Variants in TMED7 observed in about 807,000 individuals in gnomAD.
TMED7 encodes transmembrane emp24 domain-containing protein 7.
Under a neutral mutation model 23.4 loss-of-function variants are expected in TMED7, and 8 were observed. The ratio of observed to expected loss-of-function variants is 0.34; its 90% CI spans 0.20 to 0.62. The LOEUF (loss-of-function observed/expected upper bound fraction) is 0.62. Among genes scored for constraint, TMED7 ranks in the 20% least tolerant of loss-of-function variants. The pLI is 0.77. For synonymous variants in TMED7, 121 were observed against 108.5 expected (o/e 1.12, Z -0.72); for missense variants, 232 against 279.1 (o/e 0.83, Z 1.20).
Position 115,614,238 on chromosome 5 carries a change from T to C in TMED7, c.*1971A>G, listed in dbSNP as rs997706128. Reference sequence around the variant, plus strand: ...TATTTTCTATAACAGGTAACAGTAGTGATTTCAAAAATTTTAATATCTCAA... The same window carrying C: ...TATTTTCTATAACAGGTAACAGTAGCGATTTCAAAAATTTTAATATCTCAA... On this transcript the variant is annotated 3_prime_UTR_variant, in exon 3 of 3. Coordinates refer to ENST00000456936, the MANE Select transcript of TMED7 (RefSeq NM_181836.6). 2 of 152,088 alleles carry C rather than the reference T, an allele frequency of 1.3e-5. No individual in the cohort carries two copies. The highest frequency in any genetic ancestry group is 2.9e-5 in the Non-Finnish European group (2 of 67,960). The allele number at this position is 152,088 out of a possible 1,614,324, so 9.4% of individuals were successfully genotyped here. A position where few individuals can be genotyped will look rare whatever the true frequency, so the allele number is the denominator to read the frequency against.
chr5:115,616,487 G>A (rs988106046), intron 2 of TMED7, 42 bp from the exon 3 acceptor site: 33 of 1,611,954 alleles, frequency 2.0e-5, no homozygotes, highest in Non-Finnish European at 2.6e-5. Flanking sequence ...GATACTTTCT[G>A]TAGACTTCAT....
chr5:115,613,607 A>G lies in TMED7; in HGVS notation c.*2602T>C, dbSNP rs1756559342. 6.6e-6 allele frequency: 1 copy of G among 152,202 alleles called. No individual in the cohort carries two copies. Among genetic ancestry groups the G allele is most frequent in the African/African-American group, 2.4e-5 (1 of 41,444 alleles). The allele number at this position is 152,202 out of a possible 1,614,324, so 9.4% of individuals were successfully genotyped here. A position where few individuals can be genotyped will look rare whatever the true frequency, so the allele number is the denominator to read the frequency against. ...TGAAAAACCCCTCTGAATTATTTATATATTAATTTTTTGAAAACAATAGTC... is the reference window on the plus strand; with the variant it reads ...TGAAAAACCCCTCTGAATTATTTATGTATTAATTTTTTGAAAACAATAGTC... On this transcript the variant is annotated 3_prime_UTR_variant, in exon 3 of 3. Transcript: ENST00000456936.
chr5:115,617,013 T>C (rs1430665254), intron 2 of TMED7, among the ~76,000 whole-genome samples: 1 of 152,240 alleles, frequency 6.6e-6, no homozygotes, highest in Non-Finnish European at 1.5e-5. Context: ...TTTACATTTA[T>C]CTATTTGTTA....
In TMED7 at chr5:115,625,865, G is replaced by T; in HGVS notation, c.-73C>A. 7.5e-7 allele frequency: 1 copy of T among 1,334,010 alleles called. No homozygotes were observed. Among genetic ancestry groups the T allele is most frequent in the Non-Finnish European group, 9.5e-7 (1 of 1,049,152 alleles). The allele number at this position is 1,334,010 out of a possible 1,614,324, so 82.6% of individuals were successfully genotyped here. A position where few individuals can be genotyped will look rare whatever the true frequency, so the allele number is the denominator to read the frequency against. On this transcript the variant is annotated 5_prime_UTR_variant, in exon 1 of 3. Coordinates refer to ENST00000456936, the MANE Select transcript of TMED7 (RefSeq NM_181836.6). ...AGGTCTGCGCGGACTCACCGCGCGC[G>T]GCAGGCCTCAGCGCAGGCCACCCCG... is the stretch of plus-strand genomic sequence containing the variant.
rs765519431 is a variant in TMED7, at chr5:115,616,186, G to A, written c.*23C>T. 25 of 1,594,748 alleles carry A rather than the reference G, an allele frequency of 1.6e-5. No individual in the cohort carries two copies. The Admixed American group carries it at 2.0e-4, about 13-fold the overall frequency. On this transcript the variant is annotated 3_prime_UTR_variant, in exon 3 of 3. Transcript: ENST00000456936. ...GGACAGCAATATTACAGTGGCAATG[G>A]TGCATCAATTCTCAAAACGTAGTTA...
chr5:115,617,655 A>G (rs955033860), intron 2 of TMED7, among the ~76,000 whole-genome samples: 3 of 152,222 alleles, frequency 2.0e-5, no homozygotes, highest in Non-Finnish European at 2.9e-5. Flanking sequence ...CTTCACCTGG[A>G]AAGTACACAT....
chr5:115,624,870 A>C (rs907919354), intron 1 of TMED7, among the ~76,000 whole-genome samples: 1 of 152,232 alleles, frequency 6.6e-6, no homozygotes, highest in African/African-American at 2.4e-5. Flanking sequence ...CAGTTAAGAA[A>C]AGCAGGGTGA....
intron 2 of TMED7, among the ~76,000 whole-genome samples, chr5:115,618,763 C>G (rs1756897931): frequency 1.3e-5 from 2 of 152,196 alleles, no homozygotes; most frequent in African/African-American, 4.8e-5. Context: ...GTCTGATCCA[C>G]TCAGTATAAA....
rs1005126660 is a variant in TMED7, at chr5:115,623,000, C to T, written c.193-2320G>A. On this transcript the variant is annotated intron_variant, in intron 1 of 2. Coordinates refer to ENST00000456936, the MANE Select transcript of TMED7 (RefSeq NM_181836.6). ...TATGTTATAAATCTACAGTTTATAACATTATACGACTATATATGTCTATGT... is the reference window on the plus strand; with the variant it reads ...TATGTTATAAATCTACAGTTTATAATATTATACGACTATATATGTCTATGT... Among the ~76,000 whole-genome samples the T allele has an allele frequency of 7.9e-5, 12 of 152,162 alleles. No homozygotes were observed. The East Asian group carries it at 2.1e-3, about 27-fold the overall frequency.
chr5:115,619,761 A>C (rs1289952479), intron 2 of TMED7, among the ~76,000 whole-genome samples: 1 of 152,162 alleles, frequency 6.6e-6, no homozygotes, highest in Non-Finnish European at 1.5e-5. Flanking sequence ...AGCTAAAAAA[A>C]AGTTTTGGAT....
chr5:115,625,660 C>G lies in TMED7; in HGVS notation c.133G>C (p.Ala45Pro). The change falls in exon 1 of 3, where the codon GCC becomes CCC. Residue 45 changes from alanine (A) to proline (P), a missense_variant. Around this residue, in one of 2 missense-constraint regions of TMED7, gnomAD observed 106 missense variants for 97.0 expected, o/e 1.09. Transcript: ENST00000456936. ...ATGTCCTCGTAGAAGCACTGCTTGGCGTTGTCAGGAAGCTCGAAGGTGATC... is the reference window on the plus strand; with the variant it reads ...ATGTCCTCGTAGAAGCACTGCTTGGGGTTGTCAGGAAGCTCGAAGGTGATC... ...SEITFELPDN[A>P]KQCFYEDIAQ... The G allele has an allele frequency of 6.2e-7, 1 of 1,602,310 alleles. No individual in the cohort carries two copies. Among genetic ancestry groups the G allele is most frequent in the Non-Finnish European group, 8.5e-7 (1 of 1,175,096 alleles).
intron 2 of TMED7, among the ~76,000 whole-genome samples, chr5:115,617,349 T>C (rs1756811493): frequency 6.6e-6 from 1 of 152,174 alleles, no homozygotes; most frequent in African/African-American, 2.4e-5. Context: ...ATATAGAAAT[T>C]AGAAAATAAT....
At position 115,615,078 on chromosome 5, in the gene TMED7, A is replaced by G. The variant is rs1382369339; in HGVS notation, c.*1131T>C. On this transcript the variant is annotated 3_prime_UTR_variant, in exon 3 of 3. Transcript: ENST00000456936. ...CAACACAATGTAAACCCTATAGTCT[A>G]CAGAATATGCACTATTTAATACTCA... 18 of 152,180 alleles carry G rather than the reference A, an allele frequency of 1.2e-4. No individual in the cohort carries two copies. Among genetic ancestry groups the G allele is most frequent in the Non-Finnish European group, 2.5e-4 (17 of 67,980 alleles). The allele number at this position is 152,180 out of a possible 1,614,324, so 9.4% of individuals were successfully genotyped here.
rs1463706747 is a variant in TMED7, at chr5:115,613,226, G to A, written c.*2983C>T. On this transcript the variant is annotated 3_prime_UTR_variant, in exon 3 of 3. Transcript: ENST00000456936. Reference sequence around the variant, plus strand: ...ACAACTGGGTAATATACAAACTAAAGGTAATTTACTTAAAAATTAAGACCT... The same window carrying A: ...ACAACTGGGTAATATACAAACTAAAAGTAATTTACTTAAAAATTAAGACCT... 6.6e-6 allele frequency among the ~76,000 whole-genome samples: 1 copy of A among 152,076 alleles called. No individual in the cohort carries two copies. Among genetic ancestry groups the A allele is most frequent in the Non-Finnish European group, 1.5e-5 (1 of 68,002 alleles).
chr5:115,616,368 T>C lies in TMED7; in HGVS notation c.516A>G (p.Glu172=). The C allele has an allele frequency of 6.2e-7, 1 of 1,614,212 alleles. No homozygotes were observed. The highest frequency in any genetic ancestry group is 1.1e-5 in the South Asian group (1 of 91,082). The stretch of plus-strand genomic sequence containing the variant: ...CCTCTGCTCGGCTTCGGCCTTGAGC[T>C]TCTCTTAAACGGAAATGAGTCTGAT... ...IDYQTHFRLR[E]AQGRSRAEDL... The change falls in exon 3 of 3, where the codon GAA becomes GAG. Residue 172 remains glutamate (E), a synonymous_variant. Transcript: ENST00000456936.
chr5:115,625,593 C>A lies in TMED7; in HGVS notation c.192+8G>T, dbSNP rs534752963. 3 of 1,574,182 alleles carry A rather than the reference C, an allele frequency of 1.9e-6. No individual in the cohort carries two copies. In the Admixed American group the frequency reaches 5.4e-5, roughly 28 times the overall value. ...GTTGGGGCCCAGGGACTGCTAGGCC[C>A]CTGATACCTGGAACTCCAGGGTGCA... On this transcript the variant is annotated splice_region_variant and intron_variant, in intron 1 of 2. Transcript: ENST00000456936.
chr5:115,616,254 GC>G lies in TMED7; in HGVS notation c.629del (p.Ser210ThrfsTer28), dbSNP rs1756737548. On this transcript the variant is annotated frameshift_variant, in exon 3 of 3. Coordinates refer to ENST00000456936, the MANE Select transcript of TMED7 (RefSeq NM_181836.6). LOFTEE classifies it high-confidence loss of function. Reference protein sequence around the residue: ...VSIGQVFLLKSFFSDKRTTTT... With the variant: ...VSIGQVFLLKXFFSDKRTTTT... ...TGGTGGTTCTTTTATCTGAGAAAAA[GC>G]TTTTCAAAAGAAATACCTGCCCTAT... The G allele has an allele frequency of 6.2e-7, 1 of 1,613,994 alleles. No homozygotes were observed. Among genetic ancestry groups the G allele is most frequent in the Non-Finnish European group, 8.5e-7 (1 of 1,179,992 alleles).
chr5:115,624,026 A>T (rs1046307147), intron 1 of TMED7, among the ~76,000 whole-genome samples: 3 of 152,182 alleles, frequency 2.0e-5, no homozygotes, highest in Admixed American at 2.0e-4. Flanking sequence ...TAACAATTTC[A>T]TATCGGGCTT....
rs113775165 is a variant in TMED7 at position 115,613,344 on chromosome 5, G to A, written c.*2865C>T. ...AGGTTACAAATTAGGCAGTACAGAC[G>A]TGGTATTTCTCTTTCACCTTCTTTC... is the stretch of plus-strand genomic sequence containing the variant. On this transcript the variant is annotated 3_prime_UTR_variant, in exon 3 of 3. Transcript: ENST00000456936. Among the ~76,000 whole-genome samples, 46 of 152,256 alleles carry A rather than the reference G, an allele frequency of 3.0e-4. No homozygotes were observed. Among genetic ancestry groups the A allele is most frequent in the Non-Finnish European group, 5.1e-4 (35 of 67,988 alleles).
Sources: gnomAD v4.1 joint callset for allele counts (sites outside exome capture counted in the v4.1 genomes callset) on GRCh38, gnomAD v4.1.1 for gene constraint, gnomAD v4.1.1 regional missense constraint, MANE v1.5 for transcripts, NCBI Gene and HGNC (gene_info 2026-07-23, HGNC 2026-07-21) for gene names.